Variants in AUTS2 observed in about 807,000 individuals in gnomAD.
The protein encoded by AUTS2 is activator of transcription and developmental regulator AUTS2, also known as autism susceptibility gene 2 protein.
A neutral mutation model predicts 112.4 loss-of-function variants in AUTS2; 17 were observed. The observed-to-expected ratio is 0.15, with a 90% CI of 0.10 to 0.23. The LOEUF is 0.23. Ranked by LOEUF, AUTS2 falls within the 10% of genes least tolerant of loss-of-function variation. The probability of loss-of-function intolerance (pLI) is 1.00; values close to 1 mark genes in which losing one functional copy is unlikely to be tolerated. For missense variants in AUTS2, 1,510 were observed against 1,701.6 expected (o/e 0.89, Z 1.98); for synonymous variants, 751 against 702.7 (o/e 1.07, Z -1.09).
intron 1 of AUTS2, among the ~76,000 whole-genome samples, chr7:69,759,791 T>TCCCCCCCCCCC: frequency 2.6e-5 from 1 of 38,478 alleles, no homozygotes; most frequent in African/African-American, 1.2e-4. Flanking sequence ...CCCCCCCCCA[T>TCCCCCCCCCCC]ATAAAGGACT....
At chr7:70,723,440 C>G (rs530511146) in intron 6 of AUTS2, among the ~76,000 whole-genome samples, 1 of 150,532 alleles carries the variant, frequency 6.6e-6, no homozygotes, top group South Asian at 2.1e-4. Flanking sequence ...AGAGGCCAAA[C>G]TGCCCCAGGA....
At chr7:69,951,235 T>C (rs561082207) in intron 2 of AUTS2, among the ~76,000 whole-genome samples, 3 of 152,304 alleles carry the variant, frequency 2.0e-5, no homozygotes, top group South Asian at 2.1e-4. Flanking sequence ...TTTCAGCTAA[T>C]TATGAGGTAT....
chr7:70,179,343 A>G (rs1809176484), intron 4 of AUTS2, among the ~76,000 whole-genome samples: 1 of 152,204 alleles, frequency 6.6e-6, no homozygotes, highest in East Asian at 1.9e-4. Flanking sequence ...GGTCACCCCT[A>G]CAGCAGGGGA....
At chr7:70,377,442 T>C (rs1445417550) in intron 4 of AUTS2, among the ~76,000 whole-genome samples, 2 of 145,458 alleles carry the variant, frequency 1.4e-5, no homozygotes, top group East Asian at 4.0e-4. Context: ...AAACCATTTA[T>C]ATATATTTAA....
At chr7:70,491,905 G>A (rs916138303) in intron 5 of AUTS2, among the ~76,000 whole-genome samples, 23 of 152,046 alleles carry the variant, frequency 1.5e-4, no homozygotes, top group African/African-American at 2.9e-4. Flanking sequence ...GTGAGCCACC[G>A]CACCCGGCCA....
chr7:69,851,665 T>C (rs987222853), intron 1 of AUTS2, among the ~76,000 whole-genome samples: 5 of 152,248 alleles, frequency 3.3e-5, no homozygotes, highest in Non-Finnish European at 7.3e-5. Flanking sequence ...TTGATTTCTT[T>C]CCATCAGCAA....
intron 1 of AUTS2, among the ~76,000 whole-genome samples, chr7:69,816,001 C>G (rs1272307962): frequency 2.6e-5 from 4 of 152,210 alleles, no homozygotes; most frequent in African/African-American, 9.6e-5. Flanking sequence ...CAGTATGAAT[C>G]TAGCCAAGAA....
intron 5 of AUTS2, among the ~76,000 whole-genome samples, chr7:70,593,582 G>A (rs1803053007): frequency 6.6e-6 from 1 of 152,206 alleles, no homozygotes; most frequent in Non-Finnish European, 1.5e-5. Context: ...AATGGAATGA[G>A]AGTGTTCACT....
chr7:69,867,060 T>C (rs978955739), intron 1 of AUTS2, among the ~76,000 whole-genome samples: 1 of 152,168 alleles, frequency 6.6e-6, no homozygotes, highest in African/African-American at 2.4e-5. Flanking sequence ...TTAGGATTGT[T>C]AGGGTGATGT....
chr7:70,323,754 C>G (rs1351960565), intron 4 of AUTS2, among the ~76,000 whole-genome samples: 3 of 152,126 alleles, frequency 2.0e-5, no homozygotes, highest in Admixed American at 6.5e-5. Flanking sequence ...ATTTCATTAG[C>G]TATAATATCA....
At chr7:70,050,287 G>A (rs973729369) in intron 2 of AUTS2, among the ~76,000 whole-genome samples, 4 of 146,084 alleles carry the variant, frequency 2.7e-5, no homozygotes, top group Non-Finnish European at 4.5e-5. Flanking sequence ...AATCCATGAG[G>A]TGGAGGTTGC....
chr7:70,175,604 C>A (rs2129579740), intron 4 of AUTS2, among the ~76,000 whole-genome samples: 1 of 152,276 alleles, frequency 6.6e-6, no homozygotes, highest in Admixed American at 6.5e-5. Flanking sequence ...AGCCACCCAA[C>A]CTTCAGCAAC....
chr7:69,893,867 C>T (rs1486017622), intron 1 of AUTS2, among the ~76,000 whole-genome samples: 1 of 152,108 alleles, frequency 6.6e-6, no homozygotes, highest in African/African-American at 2.4e-5. Context: ...CAACACTGAA[C>T]CATCTCATTT....
chr7:70,507,243 C>T (rs982766454), intron 5 of AUTS2, among the ~76,000 whole-genome samples: 2 of 152,124 alleles, frequency 1.3e-5, no homozygotes. Flanking sequence ...TAAATTGTTT[C>T]ATCAAGAATA....
chr7:70,499,368 C>T (rs1798685201), intron 5 of AUTS2, among the ~76,000 whole-genome samples: 2 of 152,180 alleles, frequency 1.3e-5, no homozygotes, highest in African/African-American at 4.8e-5. Context: ...GGGAACAGCA[C>T]ATGCAAAGGC....
chr7:70,307,091 A>G (rs1050139589), intron 4 of AUTS2, among the ~76,000 whole-genome samples: 2 of 152,232 alleles, frequency 1.3e-5, no homozygotes, highest in Admixed American at 6.5e-5. Flanking sequence ...ACTATTGACT[A>G]TGGATGGTAC....
chr7:69,608,029 G>A (rs530046930), intron 1 of AUTS2, among the ~76,000 whole-genome samples: 1 of 152,176 alleles, frequency 6.6e-6, no homozygotes, highest in East Asian at 1.9e-4. Context: ...CAACCTTCCT[G>A]GGCTCAGGTG....
intron 1 of AUTS2, among the ~76,000 whole-genome samples, chr7:69,871,321 G>C (rs1465814907): frequency 6.6e-6 from 1 of 152,180 alleles, no homozygotes; most frequent in Non-Finnish European, 1.5e-5. Context: ...AGGCTCCCAA[G>C]GTTGTCTGTC....
In AUTS2 at chr7:70,066,994, C is replaced by T. The variant is rs569325492; in HGVS notation, c.523-51138C>T. Among the ~76,000 whole-genome samples, 84 of 152,282 alleles carry T rather than the reference C, an allele frequency of 5.5e-4. 1 individual carries two copies. Among genetic ancestry groups the T allele is most frequent in the Admixed American group, 5.4e-3 (82 of 15,294 alleles). ...GAGTGTGATAATATCGAAGTCAATG[C>T]ACAGTCAGGAGGCTTGTTAACTTAT... On this transcript the variant is annotated intron_variant, in intron 2 of 18. Coordinates refer to ENST00000342771, the MANE Select transcript of AUTS2 (RefSeq NM_015570.4).
Sources: gnomAD v4.1 joint callset for allele counts (sites outside exome capture counted in the v4.1 genomes callset) on GRCh38, gnomAD v4.1.1 for gene constraint, MANE v1.5 for transcripts, NCBI Gene and HGNC (gene_info 2026-07-23, HGNC 2026-07-21) for gene names.